Variants in RBFOX1 observed in about 807,000 individuals in gnomAD.
RBFOX1 encodes the protein RNA binding fox-1 homolog 1.
In RBFOX1, 8 loss-of-function variants were observed where a neutral mutation model predicts 57.7. That is an observed-to-expected ratio of 0.14 (90% CI 0.08 to 0.25). The LOEUF (loss-of-function observed/expected upper bound fraction) is 0.25, where lower values mean the gene tolerates loss of function less well. Ranked by LOEUF, RBFOX1 falls within the 10% of genes least tolerant of loss-of-function variation. The pLI is 1.00. For synonymous variants in RBFOX1, 326 were observed against 222.4 expected, an observed-to-expected ratio of 1.47 and a Z score of -4.15; for missense variants, 611 against 548.5, an observed-to-expected ratio of 1.11 and a Z score of -1.14.
chr16:7,209,043 C>A (rs2090573724), intron 4 of RBFOX1, among the ~76,000 whole-genome samples: 1 of 151,900 alleles, frequency 6.6e-6, no homozygotes, highest in African/African-American at 2.4e-5. Context: ...GCCCATAATC[C>A]CAGCACTTTG....
At chr16:5,716,443 T>C (rs1596927662) in intron 3 of RBFOX1, among the ~76,000 whole-genome samples, 1 of 152,138 alleles carries the variant, frequency 6.6e-6, no homozygotes. Context: ...TGTCCAACAA[T>C]TGCATGAAAA....
At chr16:6,253,703 A>ATATATG (rs1567782157) in intron 1 of RBFOX1, among the ~76,000 whole-genome samples, 4 of 104,156 alleles carry the variant, frequency 3.8e-5, no homozygotes. Context: ...GTGTGTGTAT[A>ATATATG]TATATATATA....
intron 4 of RBFOX1, among the ~76,000 whole-genome samples, chr16:7,240,789 C>G (rs962414708): frequency 1.3e-5 from 2 of 152,158 alleles, no homozygotes; most frequent in Non-Finnish European, 2.9e-5. Flanking sequence ...AGGCTGGTCT[C>G]AAACTCCTGG....
chr16:5,755,250 C>G (rs940086391), intron 3 of RBFOX1, among the ~76,000 whole-genome samples: 1 of 148,082 alleles, frequency 6.8e-6, no homozygotes, highest in African/African-American at 2.5e-5. Context: ...AACAGAATCT[C>G]AAGGCAGAAG....
chr16:6,737,991 A>C (rs1423792483), intron 3 of RBFOX1, among the ~76,000 whole-genome samples: 1 of 152,034 alleles, frequency 6.6e-6, no homozygotes, highest in Non-Finnish European at 1.5e-5. Context: ...AATAAATTCT[A>C]ACTATTGCCA....
At chr16:5,395,451 G>GTTGGCTTCTAATTCCAGGTCTAA (rs2066524447) in intron 1 of RBFOX1, among the ~76,000 whole-genome samples, 1 of 152,230 alleles carries the variant, frequency 6.6e-6, no homozygotes, top group South Asian at 2.1e-4. Flanking sequence ...GGCCTTTGGA[G>GTTGGCTTCTAATTCCAGGTCTAA]TTCTTCAGAC....
intron 2 of RBFOX1, among the ~76,000 whole-genome samples, chr16:6,564,889 C>T (rs1282649587): frequency 6.6e-6 from 1 of 151,884 alleles, no homozygotes; most frequent in African/African-American, 2.4e-5. Flanking sequence ...GTCTGTAATC[C>T]CAGCACTTTG....
At chr16:6,848,081 C>T (rs1006943905) in intron 3 of RBFOX1, among the ~76,000 whole-genome samples, 9 of 152,070 alleles carry the variant, frequency 5.9e-5, no homozygotes, top group South Asian at 2.1e-4. Context: ...ATCCACCCAC[C>T]TTGGCCTCAC....
chr16:6,501,910 A>G (rs1293031278), intron 2 of RBFOX1, among the ~76,000 whole-genome samples: 1 of 152,180 alleles, frequency 6.6e-6, no homozygotes, highest in Non-Finnish European at 1.5e-5. Context: ...AATCCTCAAC[A>G]GAGATCCTTG....
At chr16:7,686,365 A>C (rs7201241) in intron 14 of RBFOX1, among the ~76,000 whole-genome samples, 148,541 of 152,126 alleles carry the variant, frequency 0.98, 72,633 homozygotes, top group East Asian at 1. Flanking sequence ...TTCTTTTTCA[A>C]CCTGTGCCTT....
Position 5,489,169 on chromosome 16 carries a change from G to T in RBFOX1, c.258+21915G>T, listed in dbSNP as rs549278928. ...GCAGAGGGAAGGTTGGGGTATTTCT[G>T]CATGATAGGAATTCCTAGGCGCAGT... On this transcript the variant is annotated intron_variant, in intron 2 of 2. Transcript: ENST00000585867. Among the ~76,000 whole-genome samples, 164 of 152,330 alleles carry T rather than the reference G, an allele frequency of 1.1e-3. 1 individual carries two copies. Among genetic ancestry groups the T allele is most frequent in the African/African-American group, 3.8e-3 (157 of 41,584 alleles).
chr16:6,530,827 A>T (rs897731997), intron 2 of RBFOX1, among the ~76,000 whole-genome samples: 2 of 151,668 alleles, frequency 1.3e-5, no homozygotes, highest in African/African-American at 4.8e-5. Context: ...CCATGATTCA[A>T]TTACCTTCCA....
chr16:7,259,102 A>G (rs747682366), intron 4 of RBFOX1, among the ~76,000 whole-genome samples: 4 of 152,210 alleles, frequency 2.6e-5, no homozygotes, highest in Non-Finnish European at 5.9e-5. Flanking sequence ...ATGAGAAGCA[A>G]TTTAACCTGG....
At chr16:7,021,779 C>T (rs1365963442) in intron 3 of RBFOX1, among the ~76,000 whole-genome samples, 1 of 150,830 alleles carries the variant, frequency 6.6e-6, no homozygotes, top group Non-Finnish European at 1.5e-5. Context: ...TGAGCATGTA[C>T]TATATACCAG....
intron 4 of RBFOX1, among the ~76,000 whole-genome samples, chr16:5,929,672 GT>G (rs2152244317): frequency 6.6e-6 from 1 of 152,286 alleles, no homozygotes; most frequent in Non-Finnish European, 1.5e-5. Context: ...AGACTTTGGT[GT>G]CAGATTGGTC....
chr16:6,799,096 G>A (rs2084758443), intron 3 of RBFOX1, among the ~76,000 whole-genome samples: 1 of 152,006 alleles, frequency 6.6e-6, no homozygotes, highest in African/African-American at 2.4e-5. Context: ...GATGGGGTAC[G>A]GTGACTAGCT....
At chr16:5,688,943 G>A (rs1013113679) in intron 3 of RBFOX1, among the ~76,000 whole-genome samples, 11 of 152,134 alleles carry the variant, frequency 7.2e-5, no homozygotes, top group South Asian at 2.1e-4. Flanking sequence ...GGCCACTAAC[G>A]CCAGGGGCAC....
At chr16:7,364,432 G>A (rs191845816) in intron 4 of RBFOX1, among the ~76,000 whole-genome samples, 2 of 152,196 alleles carry the variant, frequency 1.3e-5, no homozygotes, top group East Asian at 3.9e-4. Flanking sequence ...TTTTGTGCGT[G>A]TTTAACATTT....
At chr16:5,870,750 A>G (rs559138112) in intron 4 of RBFOX1, among the ~76,000 whole-genome samples, 27 of 152,124 alleles carry the variant, frequency 1.8e-4, no homozygotes, top group African/African-American at 6.0e-4. Flanking sequence ...CATCAAAACA[A>G]GCGATCACCG....
Sources: gnomAD v4.1 joint callset for allele counts (sites outside exome capture counted in the v4.1 genomes callset) on GRCh38, gnomAD v4.1.1 for gene constraint, MANE v1.5 for transcripts, NCBI Gene and HGNC (gene_info 2026-07-23, HGNC 2026-07-21) for gene names.